The following ZDHHC11 variants were observed in gnomAD, a reference collection of about 807,000 sequenced individuals.
The protein encoded by ZDHHC11 is palmitoyltransferase ZDHHC11.
Under a neutral mutation model 51.3 loss-of-function variants are expected in ZDHHC11, and 44 were observed. The observed-to-expected ratio is 0.86, with a 90% CI of 0.67 to 1.10. The LOEUF (loss-of-function observed/expected upper bound fraction) is 1.10, where lower values mean the gene tolerates loss of function less well. Among genes scored for constraint, ZDHHC11 ranks in the 50% least tolerant of loss-of-function variants. The pLI is 0.00. For synonymous variants in ZDHHC11, 163 were observed against 222.0 expected (o/e 0.73, Z 2.36); for missense variants, 400 against 537.7 (o/e 0.74, Z 2.53).
chr5:806,041 C>G (rs1345980984), intron 11 of ZDHHC11, among the ~76,000 whole-genome samples: 1 of 151,094 alleles, frequency 6.6e-6, no homozygotes, highest in East Asian at 1.9e-4. Flanking sequence ...AGAGGTGTGG[C>G]AGGTGGGAGA....
At chr5:840,793 C>T (rs1385549063) in intron 4 of ZDHHC11, 143 bp from the exon 5 acceptor site, 3 of 1,524,300 alleles carry the variant, frequency 2.0e-6, no homozygotes, top group Non-Finnish European at 2.7e-6. Context: ...CAGGTGGACG[C>T]CTCCCTTACC....
upstream of ZDHHC11, among the ~76,000 whole-genome samples, chr5:851,714 C>T (rs1747257689): frequency 6.6e-6 from 1 of 152,132 alleles, no homozygotes. Context: ...TTGAGTCACA[C>T]AAGAATGTCT....
chr5:857,028 ACCACACACAACACACAATGCTCACACTC>A (rs1238798583), intron 1 of ZDHHC11, among the ~76,000 whole-genome samples: 3 of 151,100 alleles, frequency 2.0e-5, no homozygotes, highest in Non-Finnish European at 4.4e-5. Context: ...CCCACAGAAT[ACCACACACAACACACAATGCTCACACTC>A]CCACACACAC....
chr5:818,385 A>T (rs567914477), intron 10 of ZDHHC11, among the ~76,000 whole-genome samples: 1 of 151,830 alleles, frequency 6.6e-6, no homozygotes, highest in South Asian at 2.1e-4. Flanking sequence ...GGGAAGGGGC[A>T]AGGCTTGGAC....
upstream of ZDHHC11, among the ~76,000 whole-genome samples, chr5:853,488 G>A (rs1747630009): frequency 6.8e-6 from 1 of 146,956 alleles, no homozygotes; most frequent in Non-Finnish European, 1.5e-5. Context: ...GAGGAGCACA[G>A]ACCCCACAGA....
intron 10 of ZDHHC11, among the ~76,000 whole-genome samples, chr5:818,963 G>C (rs572421076): frequency 6.6e-6 from 1 of 151,456 alleles, no homozygotes; most frequent in Non-Finnish European, 1.5e-5. Flanking sequence ...GGCTTTTCCC[G>C]TGAAGGACGG....
At chr5:834,834 G>A (rs12658184) in intron 6 of ZDHHC11, among the ~76,000 whole-genome samples, 63 of 151,730 alleles carry the variant, frequency 4.2e-4, no homozygotes, top group African/African-American at 1.4e-3. Flanking sequence ...TAGACATAAT[G>A]CTGTTGCACA....
At chr5:815,549 G>A (rs570561597) in intron 10 of ZDHHC11, among the ~76,000 whole-genome samples, 1 of 151,594 alleles carries the variant, frequency 6.6e-6, no homozygotes, top group East Asian at 1.9e-4. Flanking sequence ...ACCAACACTT[G>A]GTATTGTTCA....
At chr5:807,238 C>G (rs967564228) in intron 11 of ZDHHC11, among the ~76,000 whole-genome samples, 13 of 121,770 alleles carry the variant, frequency 1.1e-4, no homozygotes, top group Admixed American at 2.9e-4. Context: ...TACATACACA[C>G]AATGCCCTTT....
At chr5:800,244 T>C (rs1406931199) in intron 12 of ZDHHC11, among the ~76,000 whole-genome samples, 2 of 150,874 alleles carry the variant, frequency 1.3e-5, no homozygotes, top group African/African-American at 4.9e-5. Flanking sequence ...ATAGGGCTTT[T>C]CTTGTATGGA....
rs1744031205 is a variant in ZDHHC11, at chr5:837,370, G to A, written c.895C>T (p.Leu299Phe). 1 of 1,613,830 alleles carries A rather than the reference G, an allele frequency of 6.2e-7. No homozygotes were observed. Among genetic ancestry groups the A allele is most frequent in the Admixed American group, 1.7e-5 (1 of 60,022 alleles). Residue 299 changes from leucine to phenylalanine, a missense_variant, in exon 6 of 13, where the codon CTC (leucine) becomes TTC (phenylalanine). By Grantham distance (22) the Leu-to-Phe change is conservative. Coordinates refer to ENST00000283441, the MANE Select transcript of ZDHHC11 (RefSeq NM_024786.3). ...AGCAGAGAGACAGGTGGTACCTGGA[G>A]AACTCCTTTGTCCATTTGCACGTAT... ...DPYVQMDKGV[L>F]QQGAGALGSS...
At chr5:855,756 CAGCG>C (rs764767304), upstream of ZDHHC11, among the ~76,000 whole-genome samples, 697 of 147,394 alleles carry the variant, frequency 4.7e-3, 3 homozygotes, top group Middle Eastern at 0.02. Flanking sequence ...CCACAGAGGA[CAGCG>C]AGCGAGGGTT....
intron 11 of ZDHHC11, among the ~76,000 whole-genome samples, chr5:803,668 A>T (rs1158184858): frequency 6.6e-6 from 1 of 151,204 alleles, no homozygotes; most frequent in Non-Finnish European, 1.5e-5. Flanking sequence ...GTGAAAGTTC[A>T]GACATTTGAA....
chr5:827,398 G>A (rs1742432290), intron 7 of ZDHHC11, among the ~76,000 whole-genome samples: 1 of 151,272 alleles, frequency 6.6e-6, no homozygotes, highest in Non-Finnish European at 1.5e-5. Context: ...AACACTGAAT[G>A]TAAATGGCCT....
intron 10 of ZDHHC11, among the ~76,000 whole-genome samples, chr5:815,592 G>A (rs1686233783): frequency 6.6e-6 from 1 of 150,924 alleles, no homozygotes; most frequent in South Asian, 2.1e-4. Context: ...TAGAGACAGA[G>A]TCTTGCTTTC....
At chr5:858,373 T>TCTGTCCA (rs1748580359) in intron 1 of ZDHHC11, among the ~76,000 whole-genome samples, 7 of 137,628 alleles carry the variant, frequency 5.1e-5, no homozygotes, top group Non-Finnish European at 7.6e-5. Flanking sequence ...TATGACACCG[T>TCTGTCCA]GGTCCCCCAA....
intron 7 of ZDHHC11, among the ~76,000 whole-genome samples, chr5:828,331 C>A (rs1454116725): frequency 6.6e-6 from 1 of 151,140 alleles, no homozygotes; most frequent in East Asian, 1.9e-4. Context: ...AGGCACCCCC[C>A]ACCTCCCAGA....
Position 795,729 on chromosome 5 carries a change from CTT to C in ZDHHC11, c.*857_*858del, listed in dbSNP as rs1443932306. ...TGCCTCTGGTTCTCTGGTATTGACT[CTT>C]TTTGTCTACTAAGATAAGAAGTCTG... On this transcript the variant is annotated 3_prime_UTR_variant, in exon 13 of 13. Transcript: ENST00000283441. 10 of 154,348 alleles carry C rather than the reference CTT, an allele frequency of 6.5e-5. No individual in the cohort carries two copies. Among genetic ancestry groups the C allele is most frequent in the African/African-American group, 2.4e-4 (10 of 41,322 alleles). 9.6% of individuals were successfully genotyped at this position (154,348 alleles called of 1,614,324 possible).
chr5:858,869 C>CT (rs1313192708), intron 1 of ZDHHC11, among the ~76,000 whole-genome samples: 1 of 152,062 alleles, frequency 6.6e-6, no homozygotes, highest in Non-Finnish European at 1.5e-5. Context: ...CCCCACTTTC[C>CT]TTACCGCCAG....
Sources: gnomAD v4.1 joint callset for allele counts (sites outside exome capture counted in the v4.1 genomes callset) on GRCh38, gnomAD v4.1.1 for gene constraint, MANE v1.5 for transcripts, NCBI Gene and HGNC (gene_info 2026-07-23, HGNC 2026-07-21) for gene names.